MUCL3: variants seen among roughly 807,000 people sequenced by gnomAD.
The protein encoded by MUCL3 is mucin-like protein 3.
A neutral mutation model predicts 70.2 loss-of-function variants in MUCL3; 42 were observed. The observed-to-expected ratio is 0.60, with a 90% CI of 0.47 to 0.77. MUCL3 has a LOEUF of 0.77. Ranked by LOEUF, MUCL3 falls within the 30% of genes least tolerant of loss-of-function variation. The pLI, the probability that MUCL3 is intolerant of heterozygous loss-of-function variation, is 0.00. For synonymous variants in MUCL3, 522 were observed against 647.0 expected (o/e 0.81, Z 2.93); for missense variants, 1,429 against 1,670.0 (o/e 0.86, Z 2.52).
Position 30,949,325 on chromosome 6 carries a change from A to C in MUCL3, c.861A>C (p.Glu287Asp). 3 of 1,551,832 alleles carry C rather than the reference A, an allele frequency of 1.9e-6. No homozygotes were observed. Among genetic ancestry groups the C allele is most frequent in the Non-Finnish European group, 2.6e-6 (3 of 1,147,028 alleles). ...CACAATCTCTAGCAGAGCCTACAGAACATGGAGGAAGGACAGCCAATGAGA... is the reference window on the plus strand; with the variant it reads ...CACAATCTCTAGCAGAGCCTACAGACCATGGAGGAAGGACAGCCAATGAGA... The part of the protein sequence containing the change: ...ELTQSLAEPT[E>D]HGGRTANENN... The change falls in exon 2 of 3, where the codon GAA (glutamate) becomes GAC (aspartate). Residue 287 changes from glutamate (E) to aspartate (D), a missense_variant. Transcript: ENST00000462446.
intron 1 of MUCL3, among the ~76,000 whole-genome samples, chr6:30,942,609 T>C (rs927479749): frequency 9.9e-5 from 15 of 152,190 alleles, no homozygotes; most frequent in African/African-American, 3.6e-4. Context: ...CCTGACTTGA[T>C]GTCTGTCTCC....
intron 1 of MUCL3, 55 bp downstream of exon 1, chr6:30,941,136 A>G: frequency 6.5e-7 from 1 of 1,535,138 alleles, no homozygotes. Context: ...CTTAGTGTTC[A>G]TAGCGTTGGA....
intron 1 of MUCL3, among the ~76,000 whole-genome samples, chr6:30,942,177 A>G (rs1415785108): frequency 1.3e-5 from 2 of 152,266 alleles, no homozygotes; most frequent in Non-Finnish European, 2.9e-5. Flanking sequence ...CCTGTCTTAC[A>G]GTTGGGAAAC....
chr6:30,941,626 A>AT (rs1795585107), intron 1 of MUCL3, among the ~76,000 whole-genome samples: 3 of 151,284 alleles, frequency 2.0e-5, no homozygotes, highest in African/African-American at 7.3e-5. Flanking sequence ...CGCCTGGCTC[A>AT]TTTTTTTGTA....
Position 30,952,399 on chromosome 6 carries a change from G to A in MUCL3, c.3935G>A (p.Gly1312Glu). Reference protein sequence around the residue: ...KDGSQKGIHAGQMGENDSFPA... With the variant: ...KDGSQKGIHAEQMGENDSFPA... ...GGCTCACAGAAAGGTATCCACGCTG[G>A]ACAGATGGGAGAGAATGATTCATTC... Residue 1312 changes from glycine to glutamate, a missense_variant, in exon 2 of 3, where the codon GGA (glycine) becomes GAA (glutamate). Coordinates refer to ENST00000462446, the MANE Select transcript of MUCL3 (RefSeq NM_080870.4). The A allele has an allele frequency of 1.2e-6, 2 of 1,614,178 alleles. No homozygotes were observed. The highest frequency in any genetic ancestry group is 1.7e-6 in the Non-Finnish European group (2 of 1,180,036).
At chr6:30,942,068 G>A (rs973163072) in intron 1 of MUCL3, among the ~76,000 whole-genome samples, 1 of 152,138 alleles carries the variant, frequency 6.6e-6, no homozygotes, top group Non-Finnish European at 1.5e-5. Context: ...TGCCTACAGA[G>A]CATTTACACT....
intron 1 of MUCL3, among the ~76,000 whole-genome samples, chr6:30,942,632 G>T (rs1795624856): frequency 6.6e-6 from 1 of 152,172 alleles, no homozygotes; most frequent in South Asian, 2.1e-4. Flanking sequence ...TACCTTGAGG[G>T]TCTGGAGACA....
intron 1 of MUCL3, among the ~76,000 whole-genome samples, chr6:30,942,179 T>C (rs964528605): frequency 2.0e-5 from 3 of 152,120 alleles, no homozygotes; most frequent in Non-Finnish European, 2.9e-5. Context: ...TGTCTTACAG[T>C]TGGGAAACAT....
Position 30,951,268 on chromosome 6 carries a change from C to A in MUCL3, c.2804C>A (p.Thr935Asn), listed in dbSNP as rs1381351435. 1.9e-6 allele frequency: 3 copies of A among 1,551,386 alleles called. No homozygotes were observed. The highest frequency in any genetic ancestry group is 2.4e-5 in the East Asian group (1 of 40,870). The change falls in exon 2 of 3, where the codon ACC becomes AAC. Residue 935 changes from threonine (T) to asparagine (N), a missense_variant. Physicochemically the swap from Thr to Asn is moderately conservative, Grantham distance 65. Coordinates refer to ENST00000462446, the MANE Select transcript of MUCL3 (RefSeq NM_080870.4). ...GERTPLANEI[T>N]TPSRAEPTEH... ...AGGACCCCACTGGCCAATGAGATCACCACACCATCCCGAGCAGAGCCTACA... is the reference window on the plus strand; with the variant it reads ...AGGACCCCACTGGCCAATGAGATCAACACACCATCCCGAGCAGAGCCTACA...
chr6:30,942,623 A>T (rs936182119), intron 1 of MUCL3, among the ~76,000 whole-genome samples: 1 of 152,152 alleles, frequency 6.6e-6, no homozygotes, highest in East Asian at 1.9e-4. Flanking sequence ...TGTCTCCCCT[A>T]CCTTGAGGGT....
chr6:30,950,713 A>G lies in MUCL3; in HGVS notation c.2249A>G (p.Glu750Gly), dbSNP rs775181603. The G allele has an allele frequency of 5.2e-6, 8 of 1,550,944 alleles. No individual in the cohort carries two copies. The highest frequency in any genetic ancestry group is 1.2e-5 in the South Asian group (1 of 84,008). ...PTENRERTAN[E>G]NTTPSPAQPT... Reference sequence around the variant, plus strand: ...GAAAATAGAGAAAGGACAGCCAATGAGAACACCACACCATCCCCAGCACAG... The same window carrying G: ...GAAAATAGAGAAAGGACAGCCAATGGGAACACCACACCATCCCCAGCACAG... The change falls in exon 2 of 3, where the codon GAG becomes GGG. Residue 750 changes from glutamate (E) to glycine (G), a missense_variant. Transcript: ENST00000462446.
rs889784799 is a variant in MUCL3 at position 30,941,140 on chromosome 6, C to G, written c.82+59C>G. 8 of 1,528,132 alleles carry G rather than the reference C, an allele frequency of 5.2e-6. No homozygotes were observed. In the African/African-American group the frequency reaches 1.1e-4, roughly 21 times the overall value. 94.7% of individuals were successfully genotyped at this position (1,528,132 alleles called of 1,614,324 possible). A position where few individuals can be genotyped will look rare whatever the true frequency, so the allele number is the denominator to read the frequency against. On this transcript the variant is annotated intron_variant, in intron 1 of 2. Coordinates refer to ENST00000462446, the MANE Select transcript of MUCL3 (RefSeq NM_080870.4). ...ACAGCTTGTTTCTTAGTGTTCATAG[C>G]GTTGGACAACAAATAGAAATGAATG...
Position 30,948,909 on chromosome 6 carries a change from C to G in MUCL3, c.445C>G (p.His149Asp). The change falls in exon 2 of 3, where the codon CAT becomes GAT. Residue 149 changes from histidine to aspartate, a missense_variant. Transcript: ENST00000462446. ...TGATCCTGCTGACTCCACTACCACACATAAAGAATCCGCTGGAAAAAAACA... is the reference window on the plus strand; with the variant it reads ...TGATCCTGCTGACTCCACTACCACAGATAAAGAATCCGCTGGAAAAAAACA... ...SVDPADSTTT[H>D]KESAGKKHIT... The G allele has an allele frequency of 6.4e-7, 1 of 1,550,714 alleles. No individual in the cohort carries two copies.
chr6:30,949,122 C>CA lies in MUCL3; in HGVS notation c.664dup (p.Ser222LysfsTer29). On this transcript the variant is annotated frameshift_variant, in exon 2 of 3. Transcript: ENST00000462446. LOFTEE classifies it high-confidence loss of function. ...CAACTCAGGCAATTCACAGACCAAG[C>CA]AAAAAAGCACATCTTTTCCAGAAAA... is the stretch of plus-strand genomic sequence containing the variant. The CA allele has an allele frequency of 6.4e-7, 1 of 1,550,648 alleles. No homozygotes were observed. Among genetic ancestry groups the CA allele is most frequent in the Non-Finnish European group, 8.7e-7 (1 of 1,146,728 alleles).
Position 30,953,318 on chromosome 6 carries a change from G to C in MUCL3, c.*201G>C. The C allele has an allele frequency of 1.4e-6, 1 of 697,838 alleles. No individual in the cohort carries two copies. The highest frequency in any genetic ancestry group is 2.3e-6 in the Non-Finnish European group (1 of 428,774). 43.2% of individuals were successfully genotyped at this position (697,838 alleles called of 1,614,324 possible). A position where few individuals can be genotyped will look rare whatever the true frequency, so the allele number is the denominator to read the frequency against. On this transcript the variant is annotated 3_prime_UTR_variant, in exon 3 of 3. Transcript: ENST00000462446. ...GGAGGGTGTAAGTTTAGGGGACAAA[G>C]AAGAAAGAATGAATAATACGAGCAG...
rs1175913872 is a variant in MUCL3 at position 30,949,921 on chromosome 6, C to T, written c.1457C>T (p.Thr486Ile). Reference protein sequence around the residue: ...PVEPTENRETTANEKTTPSPA... With the variant: ...PVEPTENRETIANEKTTPSPA... ...GAGCCTACAGAAAATAGAGAAACAA[C>T]AGCCAATGAGAAGACCACACCATCC... The change falls in exon 2 of 3, where the codon ACA (threonine) becomes ATA (isoleucine). Residue 486 changes from threonine (T) to isoleucine (I), a missense_variant. Physicochemically the swap from Thr to Ile is moderately conservative, Grantham distance 89. Coordinates refer to ENST00000462446, the MANE Select transcript of MUCL3 (RefSeq NM_080870.4). The T allele has an allele frequency of 3.9e-6, 6 of 1,550,256 alleles. No homozygotes were observed. The highest frequency in any genetic ancestry group is 5.2e-6 in the Non-Finnish European group (6 of 1,146,660).
At position 30,950,147 on chromosome 6, in the gene MUCL3, A is replaced by AAATGGAGAC. The variant is rs1299578395; in HGVS notation, c.1685_1693dup (p.Asn562_Asp564dup). Reference sequence around the variant, plus strand: ...CACCATCCCCAGCAGAGCCTACAGAAAATGGAGACAGGACTCCTTTGGCCA... The same window carrying AAATGGAGAC: ...CACCATCCCCAGCAGAGCCTACAGAAAATGGAGACAATGGAGACAGGACTCCTTTGGCCA... On this transcript the variant is annotated inframe_insertion, in exon 2 of 3. Transcript: ENST00000462446. 1 of 1,551,094 alleles carries AAATGGAGAC rather than the reference A, an allele frequency of 6.4e-7. No individual in the cohort carries two copies. Among genetic ancestry groups the AAATGGAGAC allele is most frequent in the African/African-American group, 1.4e-5 (1 of 72,618 alleles).
intron 1 of MUCL3, among the ~76,000 whole-genome samples, chr6:30,942,391 C>T (rs1795615067): frequency 1.3e-5 from 2 of 152,090 alleles, no homozygotes; most frequent in African/African-American, 2.4e-5. Flanking sequence ...AGATGTAGAA[C>T]AGCAGATTCA....
In MUCL3 at chr6:30,948,563, A is replaced by G; in HGVS notation, c.99A>G (p.Gln33=). The change falls in exon 2 of 3, where the codon CAA becomes CAG. Residue 33 remains glutamine (Q), a synonymous_variant. Coordinates refer to ENST00000462446, the MANE Select transcript of MUCL3 (RefSeq NM_080870.4). ...CCTCCACAGGTGCTACTACATTCCA[A>G]GAATATCAGAAAACTGGGGAACTCT... ...ASWGAGATTF[Q]EYQKTGELST... 1 of 1,536,430 alleles carries G rather than the reference A, an allele frequency of 6.5e-7. No homozygotes were observed. The highest frequency in any genetic ancestry group is 8.8e-7 in the Non-Finnish European group (1 of 1,141,860).
Sources: allele counts gnomAD v4.1 joint callset (sites outside exome capture counted in the v4.1 genomes callset), GRCh38; gene constraint gnomAD v4.1.1; transcripts MANE v1.5; gene names NCBI Gene and HGNC (gene_info 2026-07-23, HGNC 2026-07-21).